VWC2L: variants seen among roughly 807,000 people sequenced by gnomAD.
VWC2L encodes the protein von Willebrand factor C domain-containing protein 2-like.
VWC2L carries 10 observed loss-of-function variants against 21.6 expected under a neutral mutation model. That is an observed-to-expected ratio of 0.46 (90% CI 0.29 to 0.78). VWC2L has a LOEUF of 0.78. VWC2L is among the 30% of genes least tolerant of loss of function. VWC2L has a pLI of 0.10. For missense variants in VWC2L, 209 were observed against 277.1 expected, an observed-to-expected ratio of 0.75 and a Z score of 1.74; for synonymous variants, 96 against 94.3, an observed-to-expected ratio of 1.02 and a Z score of -0.10.
rs116263988 is a variant in VWC2L, at chr2:214,434,181, T to A, written c.391-2448T>A. ...ATTCAAAAAATCAAATATAGTCTTA[T>A]CACTAAGTCTTGTGGTCTTAGATCT... On this transcript the variant is annotated intron_variant, in intron 2 of 3. Transcript: ENST00000312504. 2.7e-3 allele frequency among the ~76,000 whole-genome samples: 407 copies of A among 152,304 alleles called. 1 individual carries two copies. The highest frequency in any genetic ancestry group is 4.7e-3 in the Non-Finnish European group (318 of 68,024).
At chr2:214,533,115 G>A (rs902332984) in intron 3 of VWC2L, among the ~76,000 whole-genome samples, 1 of 151,926 alleles carries the variant, frequency 6.6e-6, no homozygotes, top group African/African-American at 2.4e-5. Flanking sequence ...TCTGATTCGT[G>A]GCTCTGCTTG....
chr2:214,550,111 G>C (rs1013886873), intron 3 of VWC2L, among the ~76,000 whole-genome samples: 2 of 152,302 alleles, frequency 1.3e-5, no homozygotes, highest in African/African-American at 4.8e-5. Flanking sequence ...CATGTGAAAT[G>C]CAAGTGCTGC....
chr2:214,431,227 G>T (rs996263485), intron 2 of VWC2L, among the ~76,000 whole-genome samples: 1 of 152,164 alleles, frequency 6.6e-6, no homozygotes, highest in Admixed American at 6.5e-5. Context: ...CTTTGAAATA[G>T]AGTCTTCCAA....
chr2:214,544,992 A>G (rs1198977048), intron 3 of VWC2L, among the ~76,000 whole-genome samples: 1 of 152,134 alleles, frequency 6.6e-6, no homozygotes, highest in African/African-American at 2.4e-5. Flanking sequence ...TTTTTCACAT[A>G]TTCCATACCA....
At position 214,481,324 on chromosome 2, in the gene VWC2L, C is replaced by A. The variant is rs890648397; in HGVS notation, c.520+44566C>A. Among the ~76,000 whole-genome samples the A allele has an allele frequency of 2.0e-5, 3 of 152,254 alleles. No individual in the cohort carries two copies. The East Asian group carries it at 5.8e-4, about 29-fold the overall frequency. On this transcript the variant is annotated intron_variant, in intron 3 of 3. Coordinates refer to ENST00000312504, the MANE Select transcript of VWC2L (RefSeq NM_001080500.4). ...TTTCATCATCTTGCAACACTCCTAC[C>A]ATTATGTAAGGAAGTCCAGGCTAGA...
intron 3 of VWC2L, among the ~76,000 whole-genome samples, chr2:214,487,722 A>G (rs1411395534): frequency 6.6e-6 from 1 of 152,200 alleles, no homozygotes; most frequent in Non-Finnish European, 1.5e-5. Flanking sequence ...GTCCAGCATA[A>G]AGAATCGGAT....
intron 3 of VWC2L, among the ~76,000 whole-genome samples, chr2:214,563,574 A>AAAAAAAAAAAAAAAAAAC (rs1690012447): frequency 7.3e-6 from 1 of 137,760 alleles, no homozygotes; most frequent in African/African-American, 2.8e-5. Context: ...AAAAAAAAAA[A>AAAAAAAAAAAAAAAAAAC]AAAAAAATCA....
chr2:214,514,477 TAC>T (rs1284459811), intron 3 of VWC2L, among the ~76,000 whole-genome samples: 1 of 152,172 alleles, frequency 6.6e-6, no homozygotes, highest in East Asian at 1.9e-4. Context: ...CAGTTACAGA[TAC>T]AGAGAAATAA....
intron 3 of VWC2L, among the ~76,000 whole-genome samples, chr2:214,501,246 C>T (rs1688886290): frequency 6.6e-6 from 1 of 152,136 alleles, no homozygotes; most frequent in Non-Finnish European, 1.5e-5. Flanking sequence ...GCCACTCCAC[C>T]TTCCCTCTGA....
At chr2:214,558,826 A>T (rs79298934) in intron 3 of VWC2L, among the ~76,000 whole-genome samples, 4,532 of 143,622 alleles carry the variant, frequency 0.032, 94 homozygotes, top group African/African-American at 0.066. Flanking sequence ...TTTTTTTTTT[A>T]AATTTATGCT....
At chr2:214,528,574 T>C (rs1010988213) in intron 3 of VWC2L, among the ~76,000 whole-genome samples, 2 of 151,656 alleles carry the variant, frequency 1.3e-5, no homozygotes, top group African/African-American at 4.9e-5. Flanking sequence ...CAGGGAGTAA[T>C]CTTTTAAATT....
rs552111921 is a variant in VWC2L at position 214,465,946 on chromosome 2, C to T, written c.520+29188C>T. Among the ~76,000 whole-genome samples the T allele has an allele frequency of 3.9e-5, 6 of 152,296 alleles. No homozygotes were observed. In the East Asian group the frequency reaches 1.2e-3, roughly 29 times the overall value. ...AATGCAAAGTTGCACAATCGCTGCA[C>T]TCTCCCTCCCCCAAGCACACAGATT... On this transcript the variant is annotated intron_variant, in intron 3 of 3. Coordinates refer to ENST00000312504, the MANE Select transcript of VWC2L (RefSeq NM_001080500.4).
At chr2:214,465,841 T>G (rs954773485) in intron 3 of VWC2L, among the ~76,000 whole-genome samples, 2 of 152,216 alleles carry the variant, frequency 1.3e-5, no homozygotes, top group African/African-American at 4.8e-5. Context: ...TTCTAAATGC[T>G]TCCTCTGTGG....
At chr2:214,573,966 C>T (rs1690190951) in intron 3 of VWC2L, among the ~76,000 whole-genome samples, 1 of 152,154 alleles carries the variant, frequency 6.6e-6, no homozygotes, top group Admixed American at 6.5e-5. Flanking sequence ...CATGGTGAAA[C>T]CTCATCTCTA....
At chr2:214,572,178 G>C (rs949121297) in intron 3 of VWC2L, among the ~76,000 whole-genome samples, 1 of 152,176 alleles carries the variant, frequency 6.6e-6, no homozygotes, top group Non-Finnish European at 1.5e-5. Context: ...GAATTCACAT[G>C]ATGTGTAAGT....
chr2:214,447,689 G>A (rs1057493641), intron 3 of VWC2L, among the ~76,000 whole-genome samples: 1 of 152,100 alleles, frequency 6.6e-6, no homozygotes, highest in African/African-American at 2.4e-5. Flanking sequence ...GAGCCTAGAA[G>A]GCCTCTAGAA....
chr2:214,522,126 A>C (rs1362315193), intron 3 of VWC2L, among the ~76,000 whole-genome samples: 1 of 152,190 alleles, frequency 6.6e-6, no homozygotes, highest in Non-Finnish European at 1.5e-5. Flanking sequence ...CTGTAATCCC[A>C]GCACTTTGGG....
chr2:214,425,943 G>A (rs568536736), intron 2 of VWC2L, among the ~76,000 whole-genome samples: 10 of 151,958 alleles, frequency 6.6e-5, no homozygotes, highest in East Asian at 5.8e-4. Flanking sequence ...AGGCTGAGGC[G>A]GGCAGATCAC....
intron 3 of VWC2L, among the ~76,000 whole-genome samples, chr2:214,437,805 T>C (rs2126179152): frequency 6.6e-6 from 1 of 152,276 alleles, no homozygotes; most frequent in South Asian, 2.1e-4. Flanking sequence ...TAAAAGATTT[T>C]TTAAGTAGCT....
Sources: gnomAD v4.1 joint callset for allele counts (sites outside exome capture counted in the v4.1 genomes callset) on GRCh38, gnomAD v4.1.1 for gene constraint, MANE v1.5 for transcripts, NCBI Gene and HGNC (gene_info 2026-07-23, HGNC 2026-07-21) for gene names.